Variants in N4BP1 observed in about 807,000 individuals in gnomAD.
N4BP1 encodes the protein NEDD4 binding protein 1, also known as NEDD4-binding protein 1.
N4BP1 carries 21 observed loss-of-function variants against 70.9 expected under a neutral mutation model. The ratio of observed to expected loss-of-function variants is 0.30; its 90% CI spans 0.21 to 0.43. N4BP1 has a LOEUF of 0.43. N4BP1 is among the 20% of genes least tolerant of loss of function. The pLI is 1.00. For synonymous variants in N4BP1, 387 were observed against 394.6 expected, an observed-to-expected ratio of 0.98 and a Z score of 0.23; for missense variants, 936 against 1,069.4, an observed-to-expected ratio of 0.88 and a Z score of 1.74.
intron 1 of N4BP1, among the ~76,000 whole-genome samples, chr16:48,596,180 T>C (rs1490471225): frequency 6.6e-6 from 1 of 152,194 alleles, no homozygotes; most frequent in Admixed American, 6.5e-5. Flanking sequence ...ATGCCTGTTA[T>C]TGTTGTTTTT....
intron 1 of N4BP1, among the ~76,000 whole-genome samples, chr16:48,563,258 G>A (rs907841930): frequency 2.0e-5 from 3 of 152,104 alleles, no homozygotes; most frequent in Admixed American, 6.5e-5. Context: ...GGGAGGCTGA[G>A]ATGGGAGGAT....
rs537323964 is a variant in N4BP1, at chr16:48,539,711, C to T, written c.*3193G>A. On this transcript the variant is annotated 3_prime_UTR_variant, in exon 7 of 7. Transcript: ENST00000262384. ...TAACACCAGCTGCCCTCTCCACCACCACGAGCCCCAAAGGTGGGGAAAAGT... is the reference window on the plus strand; with the variant it reads ...TAACACCAGCTGCCCTCTCCACCACTACGAGCCCCAAAGGTGGGGAAAAGT... 1.3e-5 allele frequency: 2 copies of T among 152,440 alleles called. No individual in the cohort carries two copies. Among genetic ancestry groups the T allele is most frequent in the East Asian group, 3.9e-4 (2 of 5,188 alleles). The allele number at this position is 152,440 out of a possible 1,614,324, so 9.4% of individuals were successfully genotyped here.
chr16:48,589,406 A>G (rs1479300460), intron 1 of N4BP1, among the ~76,000 whole-genome samples: 2 of 152,124 alleles, frequency 1.3e-5, no homozygotes, highest in Non-Finnish European at 2.9e-5. Context: ...ACGCCTATGT[A>G]ATGAGGCTTC....
At chr16:48,567,598 T>C (rs569781964) in intron 1 of N4BP1, among the ~76,000 whole-genome samples, 62 of 152,108 alleles carry the variant, frequency 4.1e-4, no homozygotes, top group Non-Finnish European at 7.6e-4. Context: ...GGATTACAGG[T>C]GAGAGCCACC....
intron 6 of N4BP1, among the ~76,000 whole-genome samples, chr16:48,544,749 G>A (rs1431365023): frequency 6.6e-6 from 1 of 152,164 alleles, no homozygotes; most frequent in Non-Finnish European, 1.5e-5. Flanking sequence ...GTAATGGTCA[G>A]TTCCCCCAGG....
chr16:48,603,475 G>A (rs964929970), intron 1 of N4BP1, among the ~76,000 whole-genome samples: 1 of 152,122 alleles, frequency 6.6e-6, no homozygotes. Flanking sequence ...CAAACAAGTA[G>A]CTGTGCCATT....
At chr16:48,594,621 G>A (rs1964384631) in intron 1 of N4BP1, among the ~76,000 whole-genome samples, 1 of 152,174 alleles carries the variant, frequency 6.6e-6, no homozygotes, top group Non-Finnish European at 1.5e-5. Context: ...CTCCCAAAGT[G>A]CTGGGATTAT....
Position 48,542,795 on chromosome 16 carries a change from A to C in N4BP1, c.*109T>G. On this transcript the variant is annotated 3_prime_UTR_variant, in exon 7 of 7. Coordinates refer to ENST00000262384, the MANE Select transcript of N4BP1 (RefSeq NM_153029.4). ...ATTTTTTTTCTGTACAACTGCGTTT[A>C]CACTGGGAAATAAGTTTCTTCACAT... 7 of 1,051,190 alleles carry C rather than the reference A, an allele frequency of 6.7e-6. No individual in the cohort carries two copies. The highest frequency in any genetic ancestry group is 9.4e-6 in the Non-Finnish European group (7 of 747,020). 65.1% of individuals were successfully genotyped at this position (1,051,190 alleles called of 1,614,324 possible). A position where few individuals can be genotyped will look rare whatever the true frequency, so the allele number is the denominator to read the frequency against.
At chr16:48,591,543 T>A (rs1056720873) in intron 1 of N4BP1, among the ~76,000 whole-genome samples, 3 of 151,798 alleles carry the variant, frequency 2.0e-5, no homozygotes, top group Admixed American at 2.0e-4. Context: ...AATAAGAGAT[T>A]TTTAAAAAAA....
rs1434249655 is a variant in N4BP1 at position 48,561,942 on chromosome 16, T to G, written c.701A>C (p.Glu234Ala). ...AGTCCCAGCTTTATTTCTTGCCTCT[T>G]CCTGCAAAACAGTTTCATCTCTAGA... The part of the protein sequence containing the change: ...NISRDETVLQ[E>A]EARNKAGTPV... Residue 234 changes from glutamate (E) to alanine (A), a missense_variant, in exon 2 of 7, where the codon GAA becomes GCA. By Grantham distance (107) the Glu-to-Ala change is moderately radical. This residue lies in a region of N4BP1 where 515 missense variants were observed against 491.7 expected (regional missense o/e 1.05). Transcript: ENST00000262384. 4 of 1,613,882 alleles carry G rather than the reference T, an allele frequency of 2.5e-6. No homozygotes were observed. Among genetic ancestry groups the G allele is most frequent in the Non-Finnish European group, 3.4e-6 (4 of 1,179,900 alleles).
At chr16:48,550,501 T>A (rs1039373884) in intron 4 of N4BP1, among the ~76,000 whole-genome samples, 1 of 151,566 alleles carries the variant, frequency 6.6e-6, no homozygotes, top group African/African-American at 2.4e-5. Flanking sequence ...GGTGACACAG[T>A]GAAACTCTAT....
chr16:48,561,307 G>A lies in N4BP1; in HGVS notation c.1336C>T (p.Pro446Ser), dbSNP rs1008838605. 3.7e-6 allele frequency: 6 copies of A among 1,613,602 alleles called. No homozygotes were observed. The highest frequency in any genetic ancestry group is 4.5e-5 in the East Asian group (2 of 44,882). ...CATGGTTTAGCTTCCACTTTGAATG[G>A]TAACTGAGAAAATTTTTCTACCATA... ...QNMVEKFSQL[P>S]FKVEAKPCTS... Residue 446 changes from proline to serine, a missense_variant, in exon 2 of 7, where the codon CCA (proline) becomes TCA (serine). By Grantham distance (74) the Pro-to-Ser change is moderately conservative. This residue lies in a region of N4BP1 where 515 missense variants were observed against 491.7 expected (regional missense o/e 1.05). Transcript: ENST00000262384.
At chr16:48,585,822 A>G (rs1964238226) in intron 1 of N4BP1, among the ~76,000 whole-genome samples, 1 of 152,120 alleles carries the variant, frequency 6.6e-6, no homozygotes, top group South Asian at 2.1e-4. Context: ...CAGCCTCCAG[A>G]GTAGCTGGGA....
chr16:48,545,436 G>C (rs1963576137), intron 6 of N4BP1, among the ~76,000 whole-genome samples: 1 of 151,616 alleles, frequency 6.6e-6, no homozygotes. Flanking sequence ...AAATTAGCCA[G>C]GCATGGTGGC....
intron 1 of N4BP1, among the ~76,000 whole-genome samples, chr16:48,579,629 C>A (rs767269494): frequency 6.7e-6 from 1 of 149,986 alleles, no homozygotes; most frequent in Non-Finnish European, 1.5e-5. Context: ...TCTAACCAAG[C>A]AACTGTATTC....
At position 48,560,779 on chromosome 16, in the gene N4BP1, T is replaced by G. The variant is rs748639228; in HGVS notation, c.1864A>C (p.Ile622Leu). The change falls in exon 2 of 7, where the codon ATA (isoleucine) becomes CTA (leucine). Residue 622 changes from isoleucine (I) to leucine (L), a missense_variant. Transcript: ENST00000262384. The part of the protein sequence containing the change: ...PGRTDLKHIV[I>L]DGSNVAITHG... ...GTAATTGCAACATTGCTCCCATCTA[T>G]AACAATGTGTTTCAAATCCGTTCTC... is the stretch of plus-strand genomic sequence containing the variant. The G allele has an allele frequency of 6.2e-7, 1 of 1,610,772 alleles. No homozygotes were observed. Among genetic ancestry groups the G allele is most frequent in the Non-Finnish European group, 8.5e-7 (1 of 1,178,704 alleles).
chr16:48,569,878 T>C (rs940202801), intron 1 of N4BP1, among the ~76,000 whole-genome samples: 3 of 152,206 alleles, frequency 2.0e-5, no homozygotes, highest in African/African-American at 7.2e-5. Flanking sequence ...CTCACTTTCC[T>C]GAACTCCTCC....
chr16:48,565,138 AT>A (rs879791482), intron 1 of N4BP1, among the ~76,000 whole-genome samples: 8 of 152,058 alleles, frequency 5.3e-5, no homozygotes, highest in Non-Finnish European at 1.0e-4. Context: ...TTCTTTTCTG[AT>A]TTATATGCCG....
At chr16:48,596,628 C>T (rs1370253667) in intron 1 of N4BP1, among the ~76,000 whole-genome samples, 2 of 152,224 alleles carry the variant, frequency 1.3e-5, no homozygotes, top group Non-Finnish European at 2.9e-5. Flanking sequence ...TTGACTGACT[C>T]CATCTTGCTT....
Sources: gnomAD v4.1 joint callset for allele counts (sites outside exome capture counted in the v4.1 genomes callset) on GRCh38, gnomAD v4.1.1 for gene constraint, gnomAD v4.1.1 regional missense constraint, MANE v1.5 for transcripts, NCBI Gene and HGNC (gene_info 2026-07-23, HGNC 2026-07-21) for gene names.